Variants in SMIM7 observed in about 807,000 individuals in gnomAD.
The protein encoded by SMIM7 is small integral membrane protein 7.
SMIM7 carries 12 observed loss-of-function variants against 13.3 expected under a neutral mutation model. The ratio of observed to expected loss-of-function variants is 0.90; its 90% CI spans 0.58 to 1.46. SMIM7 has a LOEUF of 1.46. SMIM7 is among the 40% of genes most tolerant of loss of function. The pLI is 0.00. For synonymous variants in SMIM7, 36 were observed against 35.8 expected (o/e 1.01, Z -0.02); for missense variants, 114 against 94.8 (o/e 1.20, Z -0.84).
chr19:16,658,392 C>T lies in SMIM7; in HGVS notation c.121+1003G>A, dbSNP rs62116929. On this transcript the variant is annotated intron_variant, in intron 3 of 4. Coordinates refer to ENST00000487416, the MANE Select transcript of SMIM7 (RefSeq NM_024104.4). Reference sequence around the variant, plus strand: ...TGGATACAATAGTCATGTACAGATCCCCTTAAGACTCCAAATAGTTACACA... The same window carrying T: ...TGGATACAATAGTCATGTACAGATCTCCTTAAGACTCCAAATAGTTACACA... Among the ~76,000 whole-genome samples the T allele has an allele frequency of 7.7e-3, 1,179 of 152,252 alleles. 15 individuals carry two copies. The highest frequency in any genetic ancestry group is 0.025 in the African/African-American group (1,053 of 41,520).
intron 4 of SMIM7, chr19:16,639,939 TC>T (rs2086393007): frequency 6.6e-6 from 1 of 152,204 alleles, no homozygotes; most frequent in Non-Finnish European, 1.5e-5. Flanking sequence ...TCTCAGGCAA[TC>T]TTTCGGTTTT....
At chr19:16,654,297 G>C (rs1354142400) in intron 3 of SMIM7, among the ~76,000 whole-genome samples, 172 bp from the exon 4 acceptor site, 1 of 151,946 alleles carries the variant, frequency 6.6e-6, no homozygotes, top group South Asian at 2.1e-4. Context: ...ATCAGGCTGT[G>C]TCTACCACTG....
At chr19:16,659,897 C>T (rs1957013436) in intron 2 of SMIM7, 62 bp downstream of exon 2, 10 of 1,555,778 alleles carry the variant, frequency 6.4e-6, no homozygotes, top group East Asian at 2.4e-5. Context: ...CGAGATCACG[C>T]TTATGAGGGC....
chr19:16,638,744 GCAA>G (rs1383344108), intron 4 of SMIM7: 2 of 152,146 alleles, frequency 1.3e-5, no homozygotes, highest in Non-Finnish European at 2.9e-5. Context: ...TTTAATAAAA[GCAA>G]CAACATTAAT....
intron 4 of SMIM7, among the ~76,000 whole-genome samples, chr19:16,632,959 G>A (rs2086332421): frequency 6.6e-6 from 1 of 152,320 alleles, no homozygotes; most frequent in South Asian, 2.1e-4. Context: ...GTACAAGGAA[G>A]TTCACTGAAG....
chr19:16,632,051 G>A (rs1487966865), intron 4 of SMIM7, among the ~76,000 whole-genome samples: 1 of 151,888 alleles, frequency 6.6e-6, no homozygotes, highest in African/African-American at 2.4e-5. Flanking sequence ...TGTATTTTTA[G>A]TAGAGACAGG....
At chr19:16,632,535 ATTTTTT>A (rs397933494) in intron 4 of SMIM7, among the ~76,000 whole-genome samples, 1 of 126,954 alleles carries the variant, frequency 7.9e-6, no homozygotes, top group African/African-American at 3.0e-5. Context: ...AACTGTGAAC[ATTTTTT>A]TTTTTTTTTT....
intron 4 of SMIM7, among the ~76,000 whole-genome samples, chr19:16,632,649 A>G (rs2086330234): frequency 6.7e-6 from 1 of 149,424 alleles, no homozygotes; most frequent in South Asian, 2.1e-4. Context: ...CTCGTGCCTC[A>G]GCCTCCTGAG....
rs757363553 is a variant in SMIM7, at chr19:16,660,134, G to A, written c.-24C>T. ...ATCGTTACGGCCGAAGCGTCCGTCA[G>A]AACCGGAAGCGGAAGCCCCAGGGAG... On this transcript the variant is annotated 5_prime_UTR_variant, in exon 1 of 5. Coordinates refer to ENST00000487416, the MANE Select transcript of SMIM7 (RefSeq NM_024104.4). 2 of 1,614,034 alleles carry A rather than the reference G, an allele frequency of 1.2e-6. No individual in the cohort carries two copies. Among genetic ancestry groups the A allele is most frequent in the East Asian group, 2.2e-5 (1 of 44,882 alleles).
At chr19:16,652,713 G>A in intron 4 of SMIM7, 1 of 1,436,242 alleles carries the variant, frequency 7.0e-7, no homozygotes. Context: ...ACAGCCACTG[G>A]GGTGGCACGC....
Position 16,647,125 on chromosome 19 carries a change from G to A in SMIM7, c.*121C>T. 6 of 1,336,066 alleles carry A rather than the reference G, an allele frequency of 4.5e-6. No homozygotes were observed. Among genetic ancestry groups the A allele is most frequent in the Non-Finnish European group, 5.3e-6 (5 of 937,280 alleles). 82.8% of individuals were successfully genotyped at this position (1,336,066 alleles called of 1,614,324 possible). A position where few individuals can be genotyped will look rare whatever the true frequency, so the allele number is the denominator to read the frequency against. On this transcript the variant is annotated 3_prime_UTR_variant, in exon 5 of 5. Coordinates refer to ENST00000487416, the MANE Select transcript of SMIM7 (RefSeq NM_024104.4). ...GCGAACACTTTTCCACCCACCACGAGCTTGGACTTTCTGGGAAGGTTGTCG... is the reference window on the plus strand; with the variant it reads ...GCGAACACTTTTCCACCCACCACGAACTTGGACTTTCTGGGAAGGTTGTCG...
At chr19:16,650,000 C>T (rs1022690784) in intron 4 of SMIM7, among the ~76,000 whole-genome samples, 8 of 151,930 alleles carry the variant, frequency 5.3e-5, no homozygotes, top group Non-Finnish European at 1.0e-4. Context: ...CCAATGGGGA[C>T]GCGGTTTCTT....
At chr19:16,653,893 T>C in intron 4 of SMIM7, 142 bp downstream of exon 4, 1 of 719,320 alleles carries the variant, frequency 1.4e-6, no homozygotes, top group Non-Finnish European at 2.2e-6. Context: ...AGATTCCATC[T>C]CAAACAAAAC....
downstream of SMIM7, chr19:16,645,778 C>T (rs1181447788): frequency 6.6e-6 from 1 of 151,530 alleles, no homozygotes; most frequent in Non-Finnish European, 1.5e-5. Context: ...TCTTGTGCCT[C>T]AGCCACCCGA....
At chr19:16,636,169 G>C (rs904228794) in intron 4 of SMIM7, 2 of 152,066 alleles carry the variant, frequency 1.3e-5, no homozygotes, top group Non-Finnish European at 2.9e-5. Context: ...GGTGTCATGA[G>C]GAAGACTTGA....
At chr19:16,644,055 TGGAAAATGCTGCATGG>T (rs1056068513), downstream of SMIM7, 3 of 150,944 alleles carry the variant, frequency 2.0e-5, no homozygotes, top group African/African-American at 7.3e-5. Flanking sequence ...TACAGGAATA[TGGAAAATGCTGCATGG>T]GGATGGTGAA....
rs373284462 is a variant in SMIM7 at position 16,647,102 on chromosome 19, G to A, written c.*144C>T. ...GCTGGGAAACCATGCACACCTCGGC[G>A]AACACTTTTCCACCCACCACGAGCT... On this transcript the variant is annotated 3_prime_UTR_variant, in exon 5 of 5. Transcript: ENST00000487416. The A allele has an allele frequency of 7.8e-5, 82 of 1,046,010 alleles. No homozygotes were observed. Among genetic ancestry groups the A allele is most frequent in the East Asian group, 3.7e-4 (15 of 41,062 alleles). The allele number at this position is 1,046,010 out of a possible 1,614,324, so 64.8% of individuals were successfully genotyped here. A position where few individuals can be genotyped will look rare whatever the true frequency, so the allele number is the denominator to read the frequency against.
At chr19:16,657,783 C>A (rs2086615206) in intron 3 of SMIM7, among the ~76,000 whole-genome samples, 1 of 152,178 alleles carries the variant, frequency 6.6e-6, no homozygotes, top group African/African-American at 2.4e-5. Flanking sequence ...GTGATCCCAG[C>A]ACTTTGGGAG....
intron 2 of SMIM7, 177 bp from the exon 3 acceptor site, chr19:16,659,624 A>C (rs1029889328): frequency 1.0e-4 from 73 of 700,072 alleles, no homozygotes; most frequent in Middle Eastern, 7.8e-4. Context: ...GGACAATCAC[A>C]GCCAGGTCAG....
Sources: gnomAD v4.1 joint callset for allele counts (sites outside exome capture counted in the v4.1 genomes callset) on GRCh38, gnomAD v4.1.1 for gene constraint, MANE v1.5 for transcripts, NCBI Gene and HGNC (gene_info 2026-07-23, HGNC 2026-07-21) for gene names.